Variants in MS4A15 observed in about 807,000 individuals in gnomAD.
MS4A15 encodes the protein membrane spanning 4-domains A15.
In MS4A15, 22 loss-of-function variants were observed where a neutral mutation model predicts 20.6. The ratio of observed to expected loss-of-function variants is 1.07; its 90% CI spans 0.76 to 1.52. The LOEUF (loss-of-function observed/expected upper bound fraction) is 1.52. MS4A15 is among the 40% of genes most tolerant of loss of function. MS4A15 has a pLI of 0.00. For missense variants in MS4A15, 312 were observed against 323.0 expected, an observed-to-expected ratio of 0.97 and a Z score of 0.26; for synonymous variants, 129 against 129.3, an observed-to-expected ratio of 1.00 and a Z score of 0.02.
intron 5 of MS4A15, 101 bp downstream of exon 5, chr11:60,773,585 C>A: frequency 9.9e-7 from 1 of 1,010,648 alleles, no homozygotes; most frequent in Non-Finnish European, 1.5e-6. Flanking sequence ...AGGACGTTGG[C>A]AGGGCCTGCC....
chr11:60,759,172 A>T (rs1263041725), intron 1 of MS4A15, among the ~76,000 whole-genome samples: 1 of 152,130 alleles, frequency 6.6e-6, no homozygotes, highest in Non-Finnish European at 1.5e-5. Context: ...GACAAAAGAA[A>T]CTCCATTTTG....
rs1307936186 is a variant in MS4A15 at position 60,773,842 on chromosome 11, G to A, written c.504G>A (p.Val168=). The A allele has an allele frequency of 1.2e-6, 2 of 1,613,774 alleles. No homozygotes were observed. The highest frequency in any genetic ancestry group is 1.3e-5 in the African/African-American group (1 of 74,918). ...LMDFGVTNRD[V]DRGYLAVLTI... Reference sequence around the variant, plus strand: ...CTGTGGGTTTTGGTCCCCAGGATGTGGACAGGGGCTATCTGGCCGTGCTTA... The same window carrying A: ...CTGTGGGTTTTGGTCCCCAGGATGTAGACAGGGGCTATCTGGCCGTGCTTA... The change falls in exon 6 of 7, where the codon GTG becomes GTA. Residue 168 remains valine (V), a synonymous_variant. Coordinates refer to ENST00000405633, the MANE Select transcript of MS4A15 (RefSeq NM_001098835.2).
chr11:60,767,417 T>C, intron 2 of MS4A15, 116 bp from the exon 3 acceptor site: 2 of 1,270,994 alleles, frequency 1.6e-6, no homozygotes, highest in Non-Finnish European at 2.1e-6. Flanking sequence ...AATCTGAGTT[T>C]CTTTCCCAGT....
At chr11:60,774,088 G>T in intron 6 of MS4A15, 138 bp downstream of exon 6, 1 of 682,220 alleles carries the variant, frequency 1.5e-6, no homozygotes, top group South Asian at 1.7e-5. Context: ...ACAGCGCTAG[G>T]AAGGGTGTCC....
rs1329635810 is a variant in MS4A15 at position 60,763,872 on chromosome 11, CT to C, written c.140del (p.Leu47ArgfsTer21). The C allele has an allele frequency of 1.2e-6, 2 of 1,612,824 alleles. No homozygotes were observed. Among genetic ancestry groups the C allele is most frequent in the Non-Finnish European group, 1.7e-6 (2 of 1,179,888 alleles). ...PGIMQFEEPP[L>X]GAQTPRATQP... Reference sequence around the variant, plus strand: ...GATTATGCAGTTTGAGGAGCCACCGCTGGGGGCACAGACACCAAGGGCCACA... The same window carrying C: ...GATTATGCAGTTTGAGGAGCCACCGCGGGGGCACAGACACCAAGGGCCACA... On this transcript the variant is annotated frameshift_variant, in exon 2 of 7. Coordinates refer to ENST00000405633, the MANE Select transcript of MS4A15 (RefSeq NM_001098835.2). LOFTEE classifies it high-confidence loss of function.
In MS4A15 at chr11:60,771,146, A is replaced by C; in HGVS notation, c.349-145A>C. On this transcript the variant is annotated intron_variant, in intron 3 of 6. Transcript: ENST00000405633. The stretch of plus-strand genomic sequence containing the variant: ...CTCTGGACAGGGGACACCCCTGCCG[A>C]GAGACCCCAAGGTGCCTGCCTGGCA... The C allele has an allele frequency of 8.6e-6, 7 of 813,480 alleles. No individual in the cohort carries two copies. The South Asian group carries it at 9.9e-5, about 12-fold the overall frequency. The allele number at this position is 813,480 out of a possible 1,614,324, so 50.4% of individuals were successfully genotyped here. A position where few individuals can be genotyped will look rare whatever the true frequency, so the allele number is the denominator to read the frequency against.
rs554994827 is a variant in MS4A15, at chr11:60,772,781, C to T, written c.406-611C>T. ...CCCCTGGGTGGCTGCCTGGACCACC[C>T]CAGGAGTCACTTGCCCTGCACGCTC... On this transcript the variant is annotated intron_variant, in intron 4 of 6. Transcript: ENST00000405633. 8.8e-4 allele frequency among the ~76,000 whole-genome samples: 134 copies of T among 152,232 alleles called. 4 individuals carry two copies. The South Asian group carries it at 0.024, about 27-fold the overall frequency.
At position 60,767,199 on chromosome 11, in the gene MS4A15, G is replaced by A. The variant is rs547954275; in HGVS notation, c.226-334G>A. 4.6e-5 allele frequency among the ~76,000 whole-genome samples: 7 copies of A among 152,264 alleles called. No homozygotes were observed. In the East Asian group the frequency reaches 7.7e-4, roughly 17 times the overall value. ...TGAGGAAGGGCAAGGTGAGGCATGC[G>A]GTGCAGGGAATGTTGGGCCATTGAA... On this transcript the variant is annotated intron_variant, in intron 2 of 6. Coordinates refer to ENST00000405633, the MANE Select transcript of MS4A15 (RefSeq NM_001098835.2).
rs1028567535 is a variant in MS4A15 at position 60,775,875 on chromosome 11, C to T, written c.*160C>T. On this transcript the variant is annotated 3_prime_UTR_variant, in exon 7 of 7. Transcript: ENST00000405633. ...CATCTGAGTGAAGTGTCCCCAGGGA[C>T]ATCTCTCCCACACTTTCCCCAGTGC... 8.6e-6 allele frequency: 5 copies of T among 582,586 alleles called. No homozygotes were observed. The highest frequency in any genetic ancestry group is 2.3e-5 in the South Asian group (1 of 43,152). 36.1% of individuals were successfully genotyped at this position (582,586 alleles called of 1,614,324 possible).
At chr11:60,768,573 G>C (rs935042166) in intron 3 of MS4A15, among the ~76,000 whole-genome samples, 1 of 152,146 alleles carries the variant, frequency 6.6e-6, no homozygotes, top group Non-Finnish European at 1.5e-5. Context: ...AGGTCAACGG[G>C]GTCTGAATCT....
chr11:60,771,463 C>T lies in MS4A15; in HGVS notation c.405+116C>T, dbSNP rs1407211920. ...CTCATTCCCCAGCACTTCAGGGGAC[C>T]TGCAAAGTGCCAGGGGAGGGGCACC... is the stretch of plus-strand genomic sequence containing the variant. On this transcript the variant is annotated intron_variant, in intron 4 of 6. Transcript: ENST00000405633. The T allele has an allele frequency of 5.8e-6, 9 of 1,553,780 alleles. No individual in the cohort carries two copies. The African/African-American group carries it at 8.1e-5, about 14-fold the overall frequency.
At chr11:60,758,824 A>T (rs1310788848) in intron 1 of MS4A15, among the ~76,000 whole-genome samples, 7 of 152,186 alleles carry the variant, frequency 4.6e-5, no homozygotes, top group African/African-American at 1.7e-4. Flanking sequence ...GTCTTTACAG[A>T]TGGTTTAGGA....
At chr11:60,766,378 T>C (rs1177164210) in intron 2 of MS4A15, among the ~76,000 whole-genome samples, 2 of 152,120 alleles carry the variant, frequency 1.3e-5, no homozygotes, top group Admixed American at 6.5e-5. Context: ...TGAAACTCCT[T>C]CTCAAAAATA....
chr11:60,773,166 G>A (rs781713781), intron 4 of MS4A15, among the ~76,000 whole-genome samples: 3 of 152,172 alleles, frequency 2.0e-5, no homozygotes, highest in African/African-American at 4.8e-5. Context: ...CCAAGAAGAC[G>A]AGAGAAGGAA....
intron 1 of MS4A15, among the ~76,000 whole-genome samples, chr11:60,759,501 C>A (rs1223579982): frequency 6.6e-6 from 1 of 152,212 alleles, no homozygotes; most frequent in African/African-American, 2.4e-5. Context: ...ATTGGAAAGA[C>A]CTTACCATCC....
In MS4A15 at chr11:60,763,805, A is replaced by T. The variant is rs200051647; in HGVS notation, c.72A>T (p.Pro24=). The change falls in exon 2 of 7, where the codon CCA becomes CCT. Residue 24 remains proline, a synonymous_variant. Coordinates refer to ENST00000405633, the MANE Select transcript of MS4A15 (RefSeq NM_001098835.2). ...IPPNNASGLC[P]PPAILPTSMC... ...CAAACAACGCCAGTGGCCTCTGCCC[A>T]CCTCCGGCCATTCTGCCCACATCCA... 6.2e-7 allele frequency: 1 copy of T among 1,612,074 alleles called. No individual in the cohort carries two copies. Among genetic ancestry groups the T allele is most frequent in the African/African-American group, 1.3e-5 (1 of 74,846 alleles).
Position 60,770,197 on chromosome 11 carries a change from C to T in MS4A15, c.349-1094C>T, listed in dbSNP as rs77225650. 1.9e-3 allele frequency among the ~76,000 whole-genome samples: 285 copies of T among 152,336 alleles called. 3 individuals are homozygous for T. In the East Asian group the frequency reaches 0.037, roughly 20 times the overall value. On this transcript the variant is annotated intron_variant, in intron 3 of 6. Coordinates refer to ENST00000405633, the MANE Select transcript of MS4A15 (RefSeq NM_001098835.2). ...AGCTCACAGAGACAACCCTGACACC[C>T]ACCCAACCTCGAGTAGCCCCAGTGA...
At chr11:60,773,568 C>T (rs1775080540) in intron 5 of MS4A15, 84 bp downstream of exon 5, 13 of 1,291,932 alleles carry the variant, frequency 1.0e-5, no homozygotes, top group Middle Eastern at 1.9e-4. Context: ...TGAGAGTTTG[C>T]AGCGCCAGGA....
chr11:60,772,883 G>T (rs1854077728), intron 4 of MS4A15, among the ~76,000 whole-genome samples: 1 of 152,076 alleles, frequency 6.6e-6, no homozygotes, highest in African/African-American at 2.4e-5. Flanking sequence ...TGTCTCCCCT[G>T]CCTGGTGCCC....
Sources: gnomAD v4.1 joint callset for allele counts (sites outside exome capture counted in the v4.1 genomes callset) on GRCh38, gnomAD v4.1.1 for gene constraint, MANE v1.5 for transcripts, NCBI Gene and HGNC (gene_info 2026-07-23, HGNC 2026-07-21) for gene names.